The following PCBP3 variants were observed in gnomAD, a reference collection of about 807,000 sequenced individuals.
The protein encoded by PCBP3 is poly(rC)-binding protein 3.
A neutral mutation model predicts 52.7 loss-of-function variants in PCBP3; 25 were observed. The ratio of observed to expected loss-of-function variants is 0.47; its 90% CI spans 0.35 to 0.66. PCBP3 has a LOEUF of 0.66. Ranked by LOEUF, PCBP3 falls within the 30% of genes least tolerant of loss-of-function variation. The pLI, the probability that PCBP3 is intolerant of heterozygous loss-of-function variation, is 0.01. For synonymous variants in PCBP3, 162 were observed against 183.0 expected (o/e 0.89, Z 0.93); for missense variants, 391 against 490.3 (o/e 0.80, Z 1.91).
intron 4 of PCBP3, among the ~76,000 whole-genome samples, chr21:45,843,305 T>C (rs1430089978): frequency 6.6e-6 from 1 of 152,246 alleles, no homozygotes; most frequent in East Asian, 1.9e-4. Flanking sequence ...GCCTTCGCAG[T>C]TGTTTTTCTT....
chr21:45,794,922 C>CT (rs1272824454), intron 4 of PCBP3, among the ~76,000 whole-genome samples: 1 of 147,188 alleles, frequency 6.8e-6, no homozygotes, highest in African/African-American at 2.5e-5. Context: ...GAGCCAGACT[C>CT]TGTCTCAAAA....
chr21:45,740,912 A>T (rs923371739), intron 3 of PCBP3, among the ~76,000 whole-genome samples: 1 of 152,192 alleles, frequency 6.6e-6, no homozygotes, highest in Admixed American at 6.5e-5. Flanking sequence ...TACGGTTGAC[A>T]TAGGAAAGCT....
In PCBP3 at chr21:45,886,630, CCCGGGT is replaced by C. The variant is rs1569440234; in HGVS notation, c.11-9577_11-9572del. Among the ~76,000 whole-genome samples, 22 of 13,264 alleles carry C rather than the reference CCCGGGT, an allele frequency of 1.7e-3. 1 individual carries two copies. The highest frequency in any genetic ancestry group is 6.6e-3 in the African/African-American group (19 of 2,882). The allele number at this position is 13,264 out of a possible 152,430, so 8.7% of individuals were successfully genotyped here. ...TGAGGTGTGGAGGAGGCCTCATTGC[CCCGGGT>C]ACCAAGGGCAGAGGATGTGGTGAGG... On this transcript the variant is annotated intron_variant, in intron 5 of 17. Transcript: ENST00000681687.
rs748778644 is a variant in PCBP3 at position 45,930,778 on chromosome 21, C to T, written c.797-8C>T. ...AAACATTAAACCTGTCTCTTCTTTG[C>T]TCTCCAGGAGAAAAGCTGCCTTTAC... On this transcript the variant is annotated splice_region_variant and splice_polypyrimidine_tract_variant and intron_variant, in intron 14 of 17. Coordinates refer to ENST00000681687, the MANE Select transcript of PCBP3 (RefSeq NM_001384156.1). The T allele has an allele frequency of 2.5e-6, 3 of 1,193,574 alleles. No homozygotes were observed. Among genetic ancestry groups the T allele is most frequent in the Admixed American group, 1.7e-5 (1 of 59,502 alleles). The allele number at this position is 1,193,574 out of a possible 1,614,324, so 73.9% of individuals were successfully genotyped here. A position where few individuals can be genotyped will look rare whatever the true frequency, so the allele number is the denominator to read the frequency against.
chr21:45,717,681 C>T (rs2084318710), intron 2 of PCBP3, among the ~76,000 whole-genome samples: 1 of 152,106 alleles, frequency 6.6e-6, no homozygotes, highest in Non-Finnish European at 1.5e-5. Flanking sequence ...TGGGGATAAA[C>T]CCCACTTGAT....
chr21:45,717,270 T>C (rs1216798828), intron 2 of PCBP3, among the ~76,000 whole-genome samples: 1 of 152,168 alleles, frequency 6.6e-6, no homozygotes, highest in Non-Finnish European at 1.5e-5. Flanking sequence ...CAATATCATG[T>C]CATCTCCAAA....
chr21:45,700,891 C>G (rs540562403), intron 2 of PCBP3, among the ~76,000 whole-genome samples: 1 of 152,260 alleles, frequency 6.6e-6, no homozygotes, highest in African/African-American at 2.4e-5. Context: ...GCTTGTCCTA[C>G]CAACATTTTC....
At chr21:45,824,424 C>T (rs71324447) in intron 4 of PCBP3, among the ~76,000 whole-genome samples, 8,006 of 152,286 alleles carry the variant, frequency 0.053, 283 homozygotes, top group Non-Finnish European at 0.082. Flanking sequence ...AAGCCACATC[C>T]CAGAATTCCT....
At chr21:45,836,176 G>C (rs1052734953) in intron 4 of PCBP3, 4 of 152,152 alleles carry the variant, frequency 2.6e-5, no homozygotes, top group African/African-American at 9.7e-5. Context: ...ACCTGTGGGG[G>C]ATACAAACAG....
intron 5 of PCBP3, among the ~76,000 whole-genome samples, chr21:45,893,368 A>G (rs1444062287): frequency 3.3e-5 from 5 of 151,790 alleles, no homozygotes; most frequent in Non-Finnish European, 4.4e-5. Context: ...TGTGCCTCAC[A>G]TGGTGGGTGG....
intron 2 of PCBP3, among the ~76,000 whole-genome samples, chr21:45,692,601 GAAAT>G (rs1283311537): frequency 1.3e-5 from 2 of 152,050 alleles, no homozygotes; most frequent in African/African-American, 2.4e-5. Context: ...CATTCAAAAA[GAAAT>G]AAATAACCTG....
At chr21:45,660,566 T>C (rs1381280625) in intron 1 of PCBP3, among the ~76,000 whole-genome samples, 1 of 152,230 alleles carries the variant, frequency 6.6e-6, no homozygotes, top group Non-Finnish European at 1.5e-5. Context: ...TTGTGTTAAA[T>C]AGATATTTTC....
rs564855968 is a variant in PCBP3 at position 45,745,992 on chromosome 21, C to T, written c.-161-9425C>T. Among the ~76,000 whole-genome samples, 9 of 145,938 alleles carry T rather than the reference C, an allele frequency of 6.2e-5. No individual in the cohort carries two copies. In the South Asian group the frequency reaches 6.5e-4, roughly 11 times the overall value. ...TGTCAGTCCATTGACGTAGCGCACA[C>T]GGTGTTGTGTCAGCATCGCTGTCAG... On this transcript the variant is annotated intron_variant, in intron 3 of 17. Coordinates refer to ENST00000681687, the MANE Select transcript of PCBP3 (RefSeq NM_001384156.1).
At chr21:45,661,104 G>A (rs543401426) in intron 1 of PCBP3, among the ~76,000 whole-genome samples, 1 of 151,832 alleles carries the variant, frequency 6.6e-6, no homozygotes, top group African/African-American at 2.4e-5. Context: ...GTAATTACTG[G>A]CTTTTACAGT....
At position 45,702,938 on chromosome 21, in the gene PCBP3, A is replaced by C. The variant is rs570593993; in HGVS notation, c.-199-32454A>C. 2.6e-5 allele frequency among the ~76,000 whole-genome samples: 4 copies of C among 152,184 alleles called. No homozygotes were observed. The East Asian group carries it at 7.7e-4, about 29-fold the overall frequency. On this transcript the variant is annotated intron_variant, in intron 2 of 17. Coordinates refer to ENST00000681687, the MANE Select transcript of PCBP3 (RefSeq NM_001384156.1). ...TTCTAAACCCTTTGTTGTCATCTCA[A>C]CAATGTTCACAGCATCTTCACTACT...
chr21:45,871,088 C>T (rs1046499363), intron 5 of PCBP3: 5 of 180,814 alleles, frequency 2.8e-5, no homozygotes, highest in African/African-American at 1.2e-4. Flanking sequence ...GCAGTGCAGC[C>T]CAGTGCCCAG....
chr21:45,894,007 G>A (rs1377377707), intron 5 of PCBP3: 24 of 985,442 alleles, frequency 2.4e-5, no homozygotes, highest in Middle Eastern at 5.2e-4. Flanking sequence ...CTTTGCAGAC[G>A]GCATGGACGG....
At chr21:45,715,754 T>C (rs1278114099) in intron 2 of PCBP3, among the ~76,000 whole-genome samples, 1 of 152,218 alleles carries the variant, frequency 6.6e-6, no homozygotes, top group Non-Finnish European at 1.5e-5. Flanking sequence ...TTGGAAAGCT[T>C]TTCATGTGCT....
intron 4 of PCBP3, among the ~76,000 whole-genome samples, chr21:45,781,191 A>G (rs1231628560): frequency 6.6e-6 from 1 of 152,194 alleles, no homozygotes; most frequent in African/African-American, 2.4e-5. Context: ...GCAACATAAT[A>G]TTATAAAAAT....
Sources: gnomAD v4.1 joint callset for allele counts (sites outside exome capture counted in the v4.1 genomes callset) on GRCh38, gnomAD v4.1.1 for gene constraint, MANE v1.5 for transcripts, NCBI Gene and HGNC (gene_info 2026-07-23, HGNC 2026-07-21) for gene names.